TUSC3: variants seen among roughly 807,000 people sequenced by gnomAD.
TUSC3 encodes the protein tumor suppressor candidate 3, also known as dolichyl-diphosphooligosaccharide--protein glycosyltransferase subunit TUSC3.
Under a neutral mutation model 44.8 loss-of-function variants are expected in TUSC3, and 45 were observed. The ratio of observed to expected loss-of-function variants is 1.00; its 90% CI spans 0.79 to 1.29. The LOEUF is 1.29. TUSC3 is among the 50% of genes most tolerant of loss of function. TUSC3 has a pLI of 0.00. For synonymous variants in TUSC3, 212 were observed against 152.9 expected, an observed-to-expected ratio of 1.39 and a Z score of -2.85; for missense variants, 519 against 437.9, an observed-to-expected ratio of 1.19 and a Z score of -1.65.
intron 2 of TUSC3, among the ~76,000 whole-genome samples, chr8:15,495,677 T>C (rs1049567636): frequency 6.6e-6 from 1 of 152,104 alleles, no homozygotes; most frequent in Non-Finnish European, 1.5e-5. Flanking sequence ...CCACCAAGTA[T>C]ACCTGCCATG....
At chr8:15,441,406 A>G (rs2129118520) in intron 1 of TUSC3, among the ~76,000 whole-genome samples, 2 of 151,898 alleles carry the variant, frequency 1.3e-5, no homozygotes, top group East Asian at 1.9e-4. Context: ...GACTCTCTCA[A>G]AAAAATTAAG....
At chr8:15,768,209 T>C (rs1812380811), downstream of TUSC3, among the ~76,000 whole-genome samples, 1 of 152,098 alleles carries the variant, frequency 6.6e-6, no homozygotes, top group African/African-American at 2.4e-5. Flanking sequence ...GTCAAACTAC[T>C]GACTGACCAC....
chr8:15,648,010 G>A (rs965853926), intron 2 of TUSC3, among the ~76,000 whole-genome samples: 5 of 151,970 alleles, frequency 3.3e-5, no homozygotes, highest in African/African-American at 4.8e-5. Flanking sequence ...TTCAGAACTG[G>A]GAAATGATTT....
intron 1 of TUSC3, among the ~76,000 whole-genome samples, chr8:15,422,366 T>C (rs896191400): frequency 1.3e-4 from 20 of 152,318 alleles, no homozygotes; most frequent in African/African-American, 4.8e-4. Flanking sequence ...TATCACTTTA[T>C]AACACGTCTT....
downstream of TUSC3, among the ~76,000 whole-genome samples, chr8:15,770,180 G>C (rs183673388): frequency 3.9e-4 from 60 of 152,296 alleles, 1 homozygote; most frequent in East Asian, 6.0e-3. Context: ...ATCAATGATA[G>C]ACTGGATAAA....
intron 1 of TUSC3, among the ~76,000 whole-genome samples, chr8:15,621,252 T>C (rs981472071): frequency 1.3e-5 from 2 of 151,692 alleles, no homozygotes; most frequent in African/African-American, 2.4e-5. Context: ...ATTGTGTGTA[T>C]TGGTAAATAC....
rs531769958 is a variant in TUSC3 at position 15,556,252 on chromosome 8, C to T, written c.138+15684C>T. On this transcript the variant is annotated intron_variant, in intron 1 of 10. Transcript: ENST00000503731. ...GTCCCCACCTATGAGTGAGAATATG[C>T]GGTGTTTGGTTTTTTGTTCTTGAGA... Among the ~76,000 whole-genome samples the T allele has an allele frequency of 2.7e-4, 39 of 145,050 alleles. No individual in the cohort carries two copies. The South Asian group carries it at 5.7e-3, about 21-fold the overall frequency.
the TUSC3 span, among the ~76,000 whole-genome samples, chr8:15,827,336 T>A: frequency 6.6e-6 from 1 of 152,362 alleles, no homozygotes; most frequent in East Asian, 1.9e-4. Flanking sequence ...TCTCAAATTA[T>A]GTTCTACTGA....
the TUSC3 span, among the ~76,000 whole-genome samples, chr8:15,777,775 T>C: frequency 6.6e-6 from 1 of 152,156 alleles, no homozygotes; most frequent in South Asian, 2.1e-4. Flanking sequence ...TTATCTCCTT[T>C]ACAGGAATTC....
At chr8:15,840,262 G>T in the TUSC3 span, among the ~76,000 whole-genome samples, 15 of 152,146 alleles carry the variant, frequency 9.9e-5, no homozygotes, top group Non-Finnish European at 1.6e-4. Flanking sequence ...AGCATTAGGA[G>T]ACATGCCTAA....
chr8:15,559,166 T>C (rs1283783565), intron 1 of TUSC3, among the ~76,000 whole-genome samples: 3 of 143,664 alleles, frequency 2.1e-5, no homozygotes, highest in Admixed American at 7.0e-5. Flanking sequence ...CTCTACACAC[T>C]GCTTTGAATG....
the TUSC3 span, among the ~76,000 whole-genome samples, chr8:15,791,662 T>C: frequency 6.6e-6 from 1 of 152,208 alleles, no homozygotes; most frequent in Non-Finnish European, 1.5e-5. Flanking sequence ...ATTTCCTTTC[T>C]TCTTGTCTCA....
At chr8:15,458,615 T>G (rs189098927) in intron 1 of TUSC3, among the ~76,000 whole-genome samples, 2 of 152,202 alleles carry the variant, frequency 1.3e-5, no homozygotes, top group Non-Finnish European at 2.9e-5. Context: ...ATGTGTTATG[T>G]ACCAATGATT....
chr8:15,798,785 A>C, the TUSC3 span, among the ~76,000 whole-genome samples: 5 of 152,152 alleles, frequency 3.3e-5, no homozygotes, highest in Admixed American at 6.5e-5. Flanking sequence ...CAACATTTTA[A>C]AGGAGTTCAC....
In TUSC3 at chr8:15,627,757, C is replaced by T. The variant is rs79260820; in HGVS notation, c.308+4508C>T. Reference sequence around the variant, plus strand: ...GTCTCTTCCAGTTCCTGGAGCTGCACGCCCTGCTCTAGCCAGCATGCCTGG... The same window carrying T: ...GTCTCTTCCAGTTCCTGGAGCTGCATGCCCTGCTCTAGCCAGCATGCCTGG... On this transcript the variant is annotated intron_variant, in intron 2 of 10. Transcript: ENST00000503731. Among the ~76,000 whole-genome samples the T allele has an allele frequency of 5.3e-3, 813 of 152,350 alleles. 8 individuals carry two copies. The highest frequency in any genetic ancestry group is 0.018 in the African/African-American group (759 of 41,586).
At chr8:15,751,674 A>G (rs1811709856) in intron 9 of TUSC3, among the ~76,000 whole-genome samples, 1 of 128,540 alleles carries the variant, frequency 7.8e-6, no homozygotes. Flanking sequence ...AAGAAGCCAA[A>G]TACAATGACA....
chr8:15,442,849 G>A (rs893361884), intron 1 of TUSC3, among the ~76,000 whole-genome samples: 3 of 152,126 alleles, frequency 2.0e-5, no homozygotes, highest in African/African-American at 7.2e-5. Context: ...TATCCATGGT[G>A]CATGGAGCCC....
At chr8:15,648,870 TG>T (rs1464630968) in intron 2 of TUSC3, among the ~76,000 whole-genome samples, 1 of 151,260 alleles carries the variant, frequency 6.6e-6, no homozygotes, top group Non-Finnish European at 1.5e-5. Flanking sequence ...CAGGAGTCCA[TG>T]AAGAGCCCTT....
chr8:15,645,402 C>T (rs773800464), intron 2 of TUSC3, among the ~76,000 whole-genome samples: 27 of 152,074 alleles, frequency 1.8e-4, no homozygotes, highest in Non-Finnish European at 2.8e-4. Context: ...TGCAGTCCTT[C>T]CAGACATACC....
Sources: allele counts gnomAD v4.1 joint callset (sites outside exome capture counted in the v4.1 genomes callset), GRCh38; gene constraint gnomAD v4.1.1; transcripts MANE v1.5; gene names NCBI Gene and HGNC (gene_info 2026-07-23, HGNC 2026-07-21).